The following ADGRL2 variants were observed in gnomAD, a reference collection of about 807,000 sequenced individuals.
ADGRL2 encodes calcium-independent alpha-latrotoxin receptor 2.
Under a neutral mutation model 157.4 loss-of-function variants are expected in ADGRL2, and 44 were observed. The observed-to-expected ratio is 0.28, with a 90% CI of 0.22 to 0.36. The LOEUF is 0.36. Among genes scored for constraint, ADGRL2 ranks in the 10% least tolerant of loss-of-function variants. The pLI, the probability that ADGRL2 is intolerant of heterozygous loss-of-function variation, is 1.00. For missense variants in ADGRL2, 1,510 were observed against 1,768.9 expected, an observed-to-expected ratio of 0.85 and a Z score of 2.63; for synonymous variants, 585 against 624.7, an observed-to-expected ratio of 0.94 and a Z score of 0.95.
intron 1 of ADGRL2, among the ~76,000 whole-genome samples, chr1:81,803,663 T>G (rs1439604573): frequency 6.6e-6 from 1 of 152,118 alleles, no homozygotes; most frequent in Non-Finnish European, 1.5e-5. Context: ...GCTTAGCAGC[T>G]TCTCCCAAGC....
chr1:81,355,910 C>G (rs887010821), intron 1 of ADGRL2, among the ~76,000 whole-genome samples: 2 of 149,356 alleles, frequency 1.3e-5, no homozygotes, highest in Middle Eastern at 3.2e-3. Flanking sequence ...TGCCTAAGAC[C>G]CTCATCTTGT....
intron 1 of ADGRL2, among the ~76,000 whole-genome samples, chr1:81,822,371 A>G (rs2091077181): frequency 6.6e-6 from 1 of 151,646 alleles, no homozygotes; most frequent in East Asian, 1.9e-4. Context: ...CAAGAAAAAA[A>G]TCTTTAATTT....
chr1:81,936,791 T>G lies in ADGRL2; in HGVS notation c.351T>G (p.Pro117=). ...CAGATGTGTTTCCTGATCCATGTCC[T>G]GGAACATACAAATACCTTGAAGTCC... ...TGSDVFPDPC[P]GTYKYLEVQY... Residue 117 remains proline, a synonymous_variant, in exon 4 of 24, where the codon CCT becomes CCG. Coordinates refer to ENST00000686636, the MANE Select transcript of ADGRL2 (RefSeq NM_001366006.2). 1.2e-6 allele frequency: 2 copies of G among 1,612,156 alleles called. No homozygotes were observed. The highest frequency in any genetic ancestry group is 1.7e-6 in the Non-Finnish European group (2 of 1,178,458).
chr1:81,620,700 C>A (rs988650756), intron 3 of ADGRL2, among the ~76,000 whole-genome samples: 1 of 152,046 alleles, frequency 6.6e-6, no homozygotes, highest in South Asian at 2.1e-4. Context: ...AAGAATTCTG[C>A]CCTTGAAAAA....
Position 81,475,953 on chromosome 1 carries a change from T to C in ADGRL2, c.-248+30864T>C, listed in dbSNP as rs544460441. 1.2e-4 allele frequency among the ~76,000 whole-genome samples: 19 copies of C among 152,304 alleles called. No homozygotes were observed. The South Asian group carries it at 3.9e-3, about 32-fold the overall frequency. On this transcript the variant is annotated intron_variant, in intron 2 of 24. Transcript: ENST00000370721. ...CATAAGTGCCTTGTATTTCCATTTCTATGCCAGAAGGGAAAGTTCTCTGCT... is the reference window on the plus strand; with the variant it reads ...CATAAGTGCCTTGTATTTCCATTTCCATGCCAGAAGGGAAAGTTCTCTGCT...
intron 1 of ADGRL2, among the ~76,000 whole-genome samples, chr1:81,732,299 A>G (rs1446435132): frequency 6.6e-6 from 1 of 152,218 alleles, no homozygotes; most frequent in Non-Finnish European, 1.5e-5. Flanking sequence ...TCAGCTACAT[A>G]TCTCAACAAT....
intron 2 of ADGRL2, among the ~76,000 whole-genome samples, chr1:81,903,846 C>CACACACACACATAT (rs556699551): frequency 6.9e-6 from 1 of 145,702 alleles, no homozygotes; most frequent in Admixed American, 6.9e-5. Flanking sequence ...CACACACACA[C>CACACACACACATAT]ATATTTGGTT....
chr1:81,414,085 C>T (rs1051854664), intron 1 of ADGRL2: 1 of 152,168 alleles, frequency 6.6e-6, no homozygotes, highest in Admixed American at 6.5e-5. Flanking sequence ...CATTCTTTAC[C>T]TCTGGCTCCC....
intron 2 of ADGRL2, among the ~76,000 whole-genome samples, chr1:81,763,043 G>A (rs1368446607): frequency 7.3e-5 from 6 of 81,798 alleles, no homozygotes; most frequent in Admixed American, 1.7e-4. Flanking sequence ...GCCAGACTCC[G>A]TCTAAAAAAA....
chr1:81,334,926 G>T (rs904759374), intron 1 of ADGRL2, among the ~76,000 whole-genome samples: 1 of 152,130 alleles, frequency 6.6e-6, no homozygotes, highest in Non-Finnish European at 1.5e-5. Context: ...AGGTGTAAAG[G>T]TGTCTTTGGT....
chr1:81,636,132 G>A (rs1189401891), intron 3 of ADGRL2, among the ~76,000 whole-genome samples: 2 of 152,128 alleles, frequency 1.3e-5, no homozygotes, highest in East Asian at 1.9e-4. Flanking sequence ...TTCTCATAGT[G>A]GGGTACATGT....
At chr1:81,549,547 C>T (rs2148375793) in intron 2 of ADGRL2, among the ~76,000 whole-genome samples, 1 of 152,244 alleles carries the variant, frequency 6.6e-6, no homozygotes, top group South Asian at 2.1e-4. Flanking sequence ...ATTGAAGTCA[C>T]CATATTCTTC....
intron 2 of ADGRL2, among the ~76,000 whole-genome samples, chr1:81,567,826 C>A (rs1054599833): frequency 6.6e-6 from 1 of 152,064 alleles, no homozygotes; most frequent in Non-Finnish European, 1.5e-5. Context: ...GGATGGGCTT[C>A]ACTCTATTGG....
At chr1:81,983,241 A>G (rs971679877) in intron 19 of ADGRL2, among the ~76,000 whole-genome samples, 2 of 151,946 alleles carry the variant, frequency 1.3e-5, no homozygotes, top group African/African-American at 2.4e-5. Context: ...GCATCATGTT[A>G]TACTTCAAAA....
At chr1:81,341,347 G>T (rs1252054739) in intron 1 of ADGRL2, among the ~76,000 whole-genome samples, 1 of 151,990 alleles carries the variant, frequency 6.6e-6, no homozygotes, top group African/African-American at 2.4e-5. Flanking sequence ...AAGGCCTCTA[G>T]ATTTATTTAA....
At chr1:81,465,676 T>C (rs1212138577) in intron 2 of ADGRL2, among the ~76,000 whole-genome samples, 6 of 152,214 alleles carry the variant, frequency 3.9e-5, no homozygotes, top group Non-Finnish European at 7.3e-5. Context: ...TATAGTGCCT[T>C]TGTGTCACTG....
Position 81,503,258 on chromosome 1 carries a change from T to C in ADGRL2, c.-248+58169T>C, listed in dbSNP as rs762922218. 2.0e-5 allele frequency: 33 copies of C among 1,614,134 alleles called. 1 individual carries two copies. Among genetic ancestry groups the C allele is most frequent in the Middle Eastern group, 1.7e-4 (1 of 6,060 alleles). On this transcript the variant is annotated intron_variant, in intron 2 of 24. Transcript: ENST00000370721. ...GCACTGAACCTGACCACGAGTAGCATTGGGAGCGTTAACATGTCTGTGGAC... is the reference window on the plus strand; with the variant it reads ...GCACTGAACCTGACCACGAGTAGCACTGGGAGCGTTAACATGTCTGTGGAC...
chr1:81,683,674 T>G (rs1570823727), intron 3 of ADGRL2, among the ~76,000 whole-genome samples: 1 of 151,728 alleles, frequency 6.6e-6, no homozygotes, highest in African/African-American at 2.4e-5. Context: ...TGTGTGTGTA[T>G]GTATGTACGT....
chr1:81,949,203 A>G (rs1650943150), intron 6 of ADGRL2, among the ~76,000 whole-genome samples: 1 of 152,180 alleles, frequency 6.6e-6, no homozygotes, highest in East Asian at 1.9e-4. Context: ...ATGTTGATAC[A>G]ACTTTCGTGT....
Sources: gnomAD v4.1 joint callset for allele counts (sites outside exome capture counted in the v4.1 genomes callset) on GRCh38, gnomAD v4.1.1 for gene constraint, MANE v1.5 for transcripts, NCBI Gene and HGNC (gene_info 2026-07-23, HGNC 2026-07-21) for gene names.